METAP1: variants seen among roughly 807,000 people sequenced by gnomAD.
METAP1 encodes methionyl aminopeptidase 1.
A neutral mutation model predicts 53.8 loss-of-function variants in METAP1; 28 were observed. The observed-to-expected ratio is 0.52, with a 90% CI of 0.39 to 0.71. The LOEUF is 0.71. Ranked by LOEUF, METAP1 falls within the 30% of genes least tolerant of loss-of-function variation. The pLI is 0.00. For missense variants in METAP1, 389 were observed against 479.8 expected (o/e 0.81, Z 1.77); for synonymous variants, 181 against 165.7 (o/e 1.09, Z -0.71).
chr4:99,048,258 T>C (rs904711659), intron 8 of METAP1, among the ~76,000 whole-genome samples: 4 of 152,354 alleles, frequency 2.6e-5, no homozygotes, highest in African/African-American at 9.6e-5. Context: ...TGGTTTGAAT[T>C]AGAACTTTAC....
chr4:99,023,472 C>A (rs1724301351), intron 1 of METAP1: 1 of 984,414 alleles, frequency 1.0e-6, no homozygotes, highest in African/African-American at 1.7e-5. Context: ...GACTACTCAG[C>A]ATTCTTTCTA....
At chr4:99,008,577 T>G (rs1488975054) in intron 1 of METAP1, among the ~76,000 whole-genome samples, 4 of 152,216 alleles carry the variant, frequency 2.6e-5, no homozygotes, top group Non-Finnish European at 4.4e-5. Flanking sequence ...GTTAAGAACA[T>G]GGATGCTGTC....
Position 99,000,674 on chromosome 4 carries a change from A to T in METAP1, c.114+4807A>T, listed in dbSNP as rs1298363944. ...GAAAGTCTTTTTTTTTTTTTTTTTT[A>T]AATAACAAGACAGTTTTTCTTCTCT... On this transcript the variant is annotated intron_variant, in intron 1 of 10. Coordinates refer to ENST00000296411, the MANE Select transcript of METAP1 (RefSeq NM_015143.3). Among the ~76,000 whole-genome samples the T allele has an allele frequency of 3.0e-3, 401 of 135,542 alleles. 2 individuals carry two copies. Among genetic ancestry groups the T allele is most frequent in the African/African-American group, 0.011 (374 of 34,770 alleles). The allele number at this position is 135,542 out of a possible 152,430, so 88.9% of individuals were successfully genotyped here.
At chr4:99,057,479 T>C (rs1471022689) in intron 9 of METAP1, among the ~76,000 whole-genome samples, 1 of 152,240 alleles carries the variant, frequency 6.6e-6, no homozygotes, top group Non-Finnish European at 1.5e-5. Flanking sequence ...TTTCTTTTTA[T>C]AGAAGTGATA....
rs1348218488 is a variant in METAP1 at position 99,035,322 on chromosome 4, CTT to C, written c.280-75_280-74del. 4 of 1,029,614 alleles carry C rather than the reference CTT, an allele frequency of 3.9e-6. No individual in the cohort carries two copies. In the Admixed American group the frequency reaches 8.4e-5, roughly 22 times the overall value. 63.8% of individuals were successfully genotyped at this position (1,029,614 alleles called of 1,614,324 possible). On this transcript the variant is annotated intron_variant, in intron 3 of 10. Coordinates refer to ENST00000296411, the MANE Select transcript of METAP1 (RefSeq NM_015143.3). ...AGATGCCATTTAAAACTTCTAAAAACTTTTGAATGGACTTCTTTCTCCCCTCG... is the reference window on the plus strand; with the variant it reads ...AGATGCCATTTAAAACTTCTAAAAACTTGAATGGACTTCTTTCTCCCCTCG...
At chr4:99,054,173 G>C (rs1022287051) in intron 9 of METAP1, among the ~76,000 whole-genome samples, 2 of 152,112 alleles carry the variant, frequency 1.3e-5, no homozygotes, top group African/African-American at 2.4e-5. Context: ...TCTTCCATTA[G>C]AAGGCTGTTT....
intron 5 of METAP1, among the ~76,000 whole-genome samples, chr4:99,039,850 C>T (rs1470853833): frequency 1.3e-5 from 2 of 152,038 alleles, no homozygotes. Context: ...CCTTGGCCTC[C>T]CAAAATGCTG....
At chr4:99,043,854 G>T (rs184243467) in intron 7 of METAP1, among the ~76,000 whole-genome samples, 58 of 152,318 alleles carry the variant, frequency 3.8e-4, no homozygotes, top group Middle Eastern at 3.4e-3. Context: ...ACCTTGGGAA[G>T]TTACAAGTAT....
intron 4 of METAP1, among the ~76,000 whole-genome samples, chr4:99,038,277 C>T (rs570061153): frequency 1.3e-3 from 192 of 151,880 alleles, no homozygotes; most frequent in Non-Finnish European, 2.0e-3. Context: ...TTATTTCTTT[C>T]TCTTGTTTAA....
chr4:99,012,169 C>T (rs1723506599), intron 1 of METAP1, among the ~76,000 whole-genome samples: 1 of 151,842 alleles, frequency 6.6e-6, no homozygotes, highest in South Asian at 2.1e-4. Flanking sequence ...TCCTTATTGC[C>T]TATTAATTTC....
chr4:99,002,180 G>A (rs111465810), intron 1 of METAP1, among the ~76,000 whole-genome samples: 172 of 152,314 alleles, frequency 1.1e-3, no homozygotes, highest in African/African-American at 3.7e-3. Flanking sequence ...AGACATAAGT[G>A]CATAGCTAAG....
intron 4 of METAP1, chr4:99,039,142 A>G (rs958113824): frequency 4.5e-4 from 169 of 373,898 alleles, no homozygotes; most frequent in Non-Finnish European, 1.6e-4. Flanking sequence ...CTGATTTCTA[A>G]TAGGTCTGAA....
chr4:99,031,367 A>G, intron 2 of METAP1: 7 of 1,050,686 alleles, frequency 6.7e-6, no homozygotes, highest in African/African-American at 1.7e-5. Context: ...TTCCTGAAGT[A>G]AAGGTGGAAT....
intron 6 of METAP1, among the ~76,000 whole-genome samples, chr4:99,042,510 T>C (rs1452315791): frequency 6.6e-6 from 1 of 152,054 alleles, no homozygotes; most frequent in African/African-American, 2.4e-5. Context: ...CAGACCATGT[T>C]TTTCTGTTAG....
At chr4:99,007,109 C>A (rs1723211941) in intron 1 of METAP1, among the ~76,000 whole-genome samples, 1 of 152,076 alleles carries the variant, frequency 6.6e-6, no homozygotes, top group Non-Finnish European at 1.5e-5. Flanking sequence ...AGGCATGCCA[C>A]CATGCCTGGC....
At chr4:99,055,466 A>G (rs1727042837) in intron 9 of METAP1, among the ~76,000 whole-genome samples, 1 of 152,232 alleles carries the variant, frequency 6.6e-6, no homozygotes, top group Non-Finnish European at 1.5e-5. Flanking sequence ...GCAATAAAAC[A>G]AGGCATGCCT....
intron 3 of METAP1, among the ~76,000 whole-genome samples, chr4:99,035,161 A>T (rs1020960064): frequency 2.0e-5 from 3 of 152,208 alleles, no homozygotes; most frequent in Admixed American, 2.0e-4. Context: ...TCTTGTTATT[A>T]GTCTCTGTCT....
intron 1 of METAP1, chr4:99,026,130 G>A (rs1560709772): frequency 3.2e-6 from 2 of 627,414 alleles, no homozygotes; most frequent in Non-Finnish European, 4.0e-6. Context: ...GCTGTCACTG[G>A]TGCATCCTTA....
rs372221183 is a variant in METAP1 at position 99,043,401 on chromosome 4, G to A, written c.655+14G>A. 9 of 1,573,424 alleles carry A rather than the reference G, an allele frequency of 5.7e-6. No individual in the cohort carries two copies. Among genetic ancestry groups the A allele is most frequent in the Non-Finnish European group, 7.8e-6 (9 of 1,159,406 alleles). ...ACATTGTTAATGGTAAGAAAAATAT[G>A]TTACTTTCATCACCATGGGCAAAGA... On this transcript the variant is annotated intron_variant, in intron 7 of 10. Transcript: ENST00000296411.
Sources: gnomAD v4.1 joint callset for allele counts (sites outside exome capture counted in the v4.1 genomes callset) on GRCh38, gnomAD v4.1.1 for gene constraint, MANE v1.5 for transcripts, NCBI Gene and HGNC (gene_info 2026-07-23, HGNC 2026-07-21) for gene names.